Variants in GRID1 observed in about 807,000 individuals in gnomAD.
GRID1 encodes the protein glutamate ionotropic receptor delta type subunit 1, also known as glutamate receptor ionotropic, delta-1.
A neutral mutation model predicts 98.0 loss-of-function variants in GRID1; 28 were observed. The observed-to-expected ratio is 0.29, with a 90% CI of 0.21 to 0.39. The LOEUF is 0.39. Ranked by LOEUF, GRID1 falls within the 10% of genes least tolerant of loss-of-function variation. The pLI is 1.00. For missense variants in GRID1, 1,111 were observed against 1,340.5 expected, an observed-to-expected ratio of 0.83 and a Z score of 2.67; for synonymous variants, 553 against 538.5, an observed-to-expected ratio of 1.03 and a Z score of -0.37.
chr10:86,109,033 C>T (rs749161793), intron 4 of GRID1, among the ~76,000 whole-genome samples: 4 of 152,190 alleles, frequency 2.6e-5, no homozygotes, highest in African/African-American at 9.6e-5. Context: ...TAAAGAAACC[C>T]AAACATTCGT....
chr10:86,097,897 GA>G (rs1844243960), intron 4 of GRID1, among the ~76,000 whole-genome samples: 1 of 151,962 alleles, frequency 6.6e-6, no homozygotes, highest in Admixed American at 6.5e-5. Flanking sequence ...CACTTCTTGA[GA>G]AAAAGAGACA....
intron 2 of GRID1, among the ~76,000 whole-genome samples, chr10:86,239,358 T>C (rs553962241): frequency 4.6e-4 from 70 of 152,228 alleles, no homozygotes; most frequent in Non-Finnish European, 9.0e-4. Context: ...TGCAGGCTCA[T>C]AGGCAGAAGG....
At position 86,206,683 on chromosome 10, in the gene GRID1, C is replaced by T. The variant is rs1475994774; in HGVS notation, c.236-35G>A. 1.3e-6 allele frequency: 2 copies of T among 1,584,788 alleles called. No individual in the cohort carries two copies. The highest frequency in any genetic ancestry group is 1.7e-6 in the Non-Finnish European group (2 of 1,161,044). ...GAGAAGAGAGAGAGGAAGGGGTCAGCATCAGGGCGATGCTGCACCAGCTTC... is the reference window on the plus strand; with the variant it reads ...GAGAAGAGAGAGAGGAAGGGGTCAGTATCAGGGCGATGCTGCACCAGCTTC... On this transcript the variant is annotated intron_variant, in intron 2 of 15. Transcript: ENST00000327946. This position sits in a 1 kb window ranked among gnomAD's most constrained non-coding sequence, Gnocchi z 4.1.
At chr10:85,891,525 A>C (rs780406979) in intron 5 of GRID1, among the ~76,000 whole-genome samples, 1 of 152,206 alleles carries the variant, frequency 6.6e-6, no homozygotes, top group Non-Finnish European at 1.5e-5. Flanking sequence ...AACTAAAAAC[A>C]AACAAAATAT....
intron 13 of GRID1, among the ~76,000 whole-genome samples, chr10:85,622,727 T>C (rs975912429): frequency 1.3e-5 from 2 of 152,212 alleles, no homozygotes; most frequent in Admixed American, 1.3e-4. Flanking sequence ...GGGGCTCACC[T>C]TTGGAGACGG....
At chr10:86,298,013 G>A (rs942973927) in intron 2 of GRID1, among the ~76,000 whole-genome samples, 1 of 152,202 alleles carries the variant, frequency 6.6e-6, no homozygotes, top group Non-Finnish European at 1.5e-5. Context: ...ACCATTGCAA[G>A]TACCATAAAA....
chr10:86,269,340 T>C (rs1847150885), intron 2 of GRID1, among the ~76,000 whole-genome samples: 1 of 152,132 alleles, frequency 6.6e-6, no homozygotes. Context: ...ATAGGCTGTA[T>C]CTAAGATGAC....
chr10:86,247,990 C>T (rs1241190786), intron 2 of GRID1, among the ~76,000 whole-genome samples: 1 of 152,220 alleles, frequency 6.6e-6, no homozygotes, highest in Non-Finnish European at 1.5e-5. Context: ...ACCAGATCCC[C>T]CCACAACCTC....
intron 12 of GRID1, among the ~76,000 whole-genome samples, chr10:85,668,640 A>C (rs1012156588): frequency 6.6e-6 from 1 of 152,190 alleles, no homozygotes; most frequent in Non-Finnish European, 1.5e-5. Context: ...GAAAGCAGTC[A>C]CTTTCCAAGG....
At chr10:85,768,800 G>C (rs1842224237) in intron 8 of GRID1, among the ~76,000 whole-genome samples, 1 of 152,214 alleles carries the variant, frequency 6.6e-6, no homozygotes, top group South Asian at 2.1e-4. Flanking sequence ...TATAGAAATT[G>C]ACCCAACATC....
Position 86,364,079 on chromosome 10 carries a change from T to C in GRID1, c.97A>G (p.Asn33Asp), listed in dbSNP as rs1848641763. The change falls in exon 2 of 16, where the codon AAC becomes GAC. Residue 33 changes from asparagine to aspartate, a missense_variant. Asn to Asp is a conservative substitution (Grantham distance 23). Around this residue, in one of 3 missense-constraint regions of GRID1, gnomAD observed 346 missense variants for 452.3 expected, o/e 0.76. Coordinates refer to ENST00000327946, the MANE Select transcript of GRID1 (RefSeq NM_017551.3). Reference sequence around the variant, plus strand: ...AACACCCTGTCGTCCTTGGCCGCGTTCTCCTCGAAGATGGCACCTGGAGGA... The same window carrying C: ...AACACCCTGTCGTCCTTGGCCGCGTCCTCCTCGAAGATGGCACCTGGAGGA... ...IIHIGAIFEENAAKDDRVFQL... is the reference protein window; with the variant it reads ...IIHIGAIFEEDAAKDDRVFQL... The C allele has an allele frequency of 6.2e-7, 1 of 1,613,828 alleles. No individual in the cohort carries two copies. The highest frequency in any genetic ancestry group is 1.7e-5 in the Admixed American group (1 of 60,018).
intron 2 of GRID1, among the ~76,000 whole-genome samples, chr10:86,244,427 T>G (rs1022534709): frequency 6.6e-6 from 1 of 152,218 alleles, no homozygotes; most frequent in Non-Finnish European, 1.5e-5. Flanking sequence ...GATCTGATGC[T>G]CCCGCCCTAA....
At chr10:86,218,401 G>A (rs532253099) in intron 2 of GRID1, among the ~76,000 whole-genome samples, 111 of 152,174 alleles carry the variant, frequency 7.3e-4, no homozygotes, top group Middle Eastern at 3.4e-3. Context: ...GGTGATTCAT[G>A]CAGCAGGAGC....
rs932420973 is a variant in GRID1, at chr10:85,880,270, T to G, written c.781-11090A>C. Among the ~76,000 whole-genome samples, 27 of 152,332 alleles carry G rather than the reference T, an allele frequency of 1.8e-4. 2 individuals carry two copies. The highest frequency in any genetic ancestry group is 5.8e-4 in the African/African-American group (24 of 41,580). On this transcript the variant is annotated intron_variant, in intron 5 of 15. Transcript: ENST00000327946. ...AGAGGGAATCCTCCCTAACTCATTT[T>G]ATGAGGCCAGCATCATCCTGATACC...
At chr10:86,140,252 T>C (rs1252585306) in intron 3 of GRID1, among the ~76,000 whole-genome samples, 1 of 152,186 alleles carries the variant, frequency 6.6e-6, no homozygotes, top group Non-Finnish European at 1.5e-5. Flanking sequence ...AAGGATACTC[T>C]AGGTCTGCCC....
intron 2 of GRID1, among the ~76,000 whole-genome samples, chr10:86,320,922 AC>A (rs1458613907): frequency 2.0e-5 from 3 of 151,934 alleles, no homozygotes; most frequent in Non-Finnish European, 1.5e-5. Flanking sequence ...ACACGGTGAA[AC>A]CCCGTCTCTA....
At chr10:85,834,447 C>T (rs1010297625) in intron 8 of GRID1, among the ~76,000 whole-genome samples, 5 of 152,024 alleles carry the variant, frequency 3.3e-5, no homozygotes, top group East Asian at 1.9e-4. Flanking sequence ...ACCAATCCTT[C>T]GAGACTGGAT....
intron 3 of GRID1, among the ~76,000 whole-genome samples, chr10:86,200,260 CT>C (rs1845928711): frequency 6.6e-6 from 1 of 152,190 alleles, no homozygotes; most frequent in South Asian, 2.1e-4. Flanking sequence ...AAAAACTACT[CT>C]TATTTAAGCA....
chr10:86,305,090 T>A (rs955604036), intron 2 of GRID1, among the ~76,000 whole-genome samples: 1 of 149,954 alleles, frequency 6.7e-6, no homozygotes, highest in Non-Finnish European at 1.5e-5. Flanking sequence ...GTAGGTCTTA[T>A]CAGCTGAAGG....
Sources: allele counts gnomAD v4.1 joint callset (sites outside exome capture counted in the v4.1 genomes callset), GRCh38; gene constraint gnomAD v4.1.1; regional missense constraint gnomAD v4.1.1; non-coding constraint Gnocchi (gnomAD v3.1); transcripts MANE v1.5; gene names NCBI Gene and HGNC (gene_info 2026-07-23, HGNC 2026-07-21).